The following EHD1 variants were observed in gnomAD, a reference collection of about 807,000 sequenced individuals.
EHD1 encodes EH domain-containing protein 1.
In EHD1, 19 loss-of-function variants were observed where a neutral mutation model predicts 39.0. That is an observed-to-expected ratio of 0.49 (90% CI 0.34 to 0.72). The LOEUF is 0.72. EHD1 is among the 30% of genes least tolerant of loss of function. The probability of loss-of-function intolerance (pLI) is 0.01; values close to 1 mark genes in which losing one functional copy is unlikely to be tolerated. For synonymous variants in EHD1, 323 were observed against 331.2 expected, an observed-to-expected ratio of 0.98 and a Z score of 0.27; for missense variants, 542 against 751.5, an observed-to-expected ratio of 0.72 and a Z score of 3.26.
intron 4 of EHD1, chr11:64,855,106 T>C: frequency 1.1e-6 from 1 of 884,208 alleles, no homozygotes; most frequent in Non-Finnish European, 1.7e-6. Flanking sequence ...GGCCCTGCCC[T>C]CCCCCCACCA....
chr11:64,867,123 C>T (rs1023575815), intron 2 of EHD1, among the ~76,000 whole-genome samples: 4 of 152,064 alleles, frequency 2.6e-5, no homozygotes, highest in Admixed American at 6.6e-5. Context: ...GACCAAAAAA[C>T]GTGGTTAAAA....
At chr11:64,862,115 T>G (rs1943722794) in intron 2 of EHD1, among the ~76,000 whole-genome samples, 2 of 152,186 alleles carry the variant, frequency 1.3e-5, no homozygotes, top group African/African-American at 4.8e-5. Context: ...GGTCTCACTA[T>G]GTTGTCTATG....
intron 3 of EHD1, among the ~76,000 whole-genome samples, chr11:64,858,953 C>T (rs577689461): frequency 1.3e-4 from 20 of 152,330 alleles, no homozygotes. Context: ...CTTCCATGCA[C>T]AGTGCTCCCC....
In EHD1 at chr11:64,854,632, C is replaced by T. The variant is rs1180429847; in HGVS notation, c.1306G>A (p.Asp436Asn). ...TCCTTGCCCACCACCCACTCCACGT[C>T]GTCGATGCCCTCGCCGGCCCCCTCG... ...YGEGAGEGID[D>N]VEWVVGKDKP... is the part of the protein sequence containing the mutation. The change falls in exon 5 of 5, where the codon GAC becomes AAC. Residue 436 changes from aspartate to asparagine, a missense_variant. Physicochemically the swap from Asp to Asn is conservative, Grantham distance 23. Transcript: ENST00000320631. 17 of 1,613,878 alleles carry T rather than the reference C, an allele frequency of 1.1e-5. No individual in the cohort carries two copies. Among genetic ancestry groups the T allele is most frequent in the South Asian group, 2.2e-5 (2 of 91,088 alleles).
At chr11:64,864,241 G>A (rs553667722) in intron 2 of EHD1, among the ~76,000 whole-genome samples, 57 of 152,362 alleles carry the variant, frequency 3.7e-4, no homozygotes, top group African/African-American at 6.0e-4. Flanking sequence ...GGGGAGGCCC[G>A]ATCAGCCTTC....
At chr11:64,859,759 G>C in intron 3 of EHD1, 165 bp downstream of exon 3, 1 of 982,072 alleles carries the variant, frequency 1.0e-6, no homozygotes, top group South Asian at 1.8e-5. Context: ...GCTGCACGCG[G>C]GTGCTGACCA....
Position 64,878,343 on chromosome 11 carries a change from C to A in EHD1, c.122G>T (p.Arg41Leu), listed in dbSNP as rs781223385. 1.2e-6 allele frequency: 2 copies of A among 1,614,086 alleles called. No individual in the cohort carries two copies. Among genetic ancestry groups the A allele is most frequent in the South Asian group, 1.1e-5 (1 of 91,088 alleles). ...QKLLPLEEHY[R>L]FHEFHSPALE... Reference sequence around the variant, plus strand: ...CGCGGGCGAGTGGAACTCGTGGAAGCGGTAGTGCTCCTCCAGGGGTAGCAG... The same window carrying A: ...CGCGGGCGAGTGGAACTCGTGGAAGAGGTAGTGCTCCTCCAGGGGTAGCAG... The change falls in exon 1 of 5, where the codon CGC (arginine) becomes CTC (leucine). Residue 41 changes from arginine to leucine, a missense_variant. Transcript: ENST00000320631.
chr11:64,867,655 T>C (rs1472611788), intron 2 of EHD1, among the ~76,000 whole-genome samples: 1 of 151,976 alleles, frequency 6.6e-6, no homozygotes, highest in Non-Finnish European at 1.5e-5. Flanking sequence ...GAGGCGGAGG[T>C]TGCAGTGGGC....
At chr11:64,867,897 C>CA (rs1943785334) in intron 2 of EHD1, among the ~76,000 whole-genome samples, 1 of 152,252 alleles carries the variant, frequency 6.6e-6, no homozygotes, top group South Asian at 2.1e-4. Flanking sequence ...AGCGTGCACG[C>CA]AGGTGCCTCT....
At chr11:64,873,357 C>T (rs886488200) in intron 2 of EHD1, among the ~76,000 whole-genome samples, 2 of 152,204 alleles carry the variant, frequency 1.3e-5, no homozygotes, top group African/African-American at 2.4e-5. Flanking sequence ...TCCTGCTGGA[C>T]GTGTGAGGAA....
rs375905664 is a variant in EHD1 at position 64,859,908 on chromosome 11, T to A, written c.915+16A>T. 2.5e-6 allele frequency: 4 copies of A among 1,599,398 alleles called. No individual in the cohort carries two copies. The African/African-American group carries it at 5.4e-5, about 21-fold the overall frequency. On this transcript the variant is annotated intron_variant, in intron 3 of 4. Transcript: ENST00000320631. ...CCTGCCTGGCAATAGGCTGCTCCCC[T>A]CACCCCAGGGTCTACCTTGGCCAGC...
Position 64,854,220 on chromosome 11 carries a change from C to G in EHD1, c.*113G>C, listed in dbSNP as rs569201757. On this transcript the variant is annotated 3_prime_UTR_variant, in exon 5 of 5. Coordinates refer to ENST00000320631, the MANE Select transcript of EHD1 (RefSeq NM_006795.4). ...GATGGTGGTTTTCCTTTTCGAGAGG[C>G]GAGGAAACATCCGCTCAGTCTTTAT... is the stretch of plus-strand genomic sequence containing the variant. 1 of 1,432,828 alleles carries G rather than the reference C, an allele frequency of 7.0e-7. No homozygotes were observed. Among genetic ancestry groups the G allele is most frequent in the African/African-American group, 1.4e-5 (1 of 69,656 alleles). 88.8% of individuals were successfully genotyped at this position (1,432,828 alleles called of 1,614,324 possible).
intron 2 of EHD1, among the ~76,000 whole-genome samples, chr11:64,869,822 TGG>T (rs57397704): frequency 2.0e-5 from 3 of 152,168 alleles, no homozygotes; most frequent in Non-Finnish European, 4.4e-5. Flanking sequence ...AACCTCAGCC[TGG>T]GGGTGCTGCT....
rs552868721 is a variant in EHD1, at chr11:64,851,929, C to T, written c.*2404G>A. The stretch of plus-strand genomic sequence containing the variant: ...CCACCTGGCACAGGGTGAATGCCCA[C>T]AGGTGGCAGCTGAGTGACGCAGGGA... On this transcript the variant is annotated 3_prime_UTR_variant, in exon 5 of 5. Coordinates refer to ENST00000320631, the MANE Select transcript of EHD1 (RefSeq NM_006795.4). 1 of 152,338 alleles carries T rather than the reference C, an allele frequency of 6.6e-6. No homozygotes were observed. The highest frequency in any genetic ancestry group is 1.5e-5 in the Non-Finnish European group (1 of 68,042). 9.4% of individuals were successfully genotyped at this position (152,338 alleles called of 1,614,324 possible). A position where few individuals can be genotyped will look rare whatever the true frequency, so the allele number is the denominator to read the frequency against.
chr11:64,859,649 T>C (rs1592746276), intron 3 of EHD1: 2 of 454,136 alleles, frequency 4.4e-6, no homozygotes, highest in East Asian at 7.2e-5. Flanking sequence ...GTTTCTGTGT[T>C]GTAAGCACAG....
intron 2 of EHD1, among the ~76,000 whole-genome samples, chr11:64,866,592 T>C (rs942091705): frequency 8.6e-5 from 13 of 151,960 alleles, no homozygotes; most frequent in Admixed American, 5.9e-4. Flanking sequence ...GGTAAGAGGA[T>C]TGTTTGGGCC....
intron 2 of EHD1, among the ~76,000 whole-genome samples, chr11:64,864,164 C>G (rs1248719181): frequency 6.6e-6 from 1 of 152,218 alleles, no homozygotes; most frequent in African/African-American, 2.4e-5. Flanking sequence ...AGAAGCAGCC[C>G]CGAGGGCCAA....
rs1222579139 is a variant in EHD1 at position 64,878,561 on chromosome 11, C to A, written c.-97G>T. On this transcript the variant is annotated 5_prime_UTR_variant, in exon 1 of 5. Transcript: ENST00000320631. Reference sequence around the variant, plus strand: ...GGCGGGGCCGGCCGGGGCAGGGAATCGGGAGCGACCCACACTGCGCAGGCG... The same window carrying A: ...GGCGGGGCCGGCCGGGGCAGGGAATAGGGAGCGACCCACACTGCGCAGGCG... 2 of 1,464,310 alleles carry A rather than the reference C, an allele frequency of 1.4e-6. No individual in the cohort carries two copies. Among genetic ancestry groups the A allele is most frequent in the Non-Finnish European group, 1.8e-6 (2 of 1,112,138 alleles). 90.7% of individuals were successfully genotyped at this position (1,464,310 alleles called of 1,614,324 possible).
chr11:64,877,231 C>T (rs1297381174), intron 1 of EHD1, among the ~76,000 whole-genome samples: 1 of 152,042 alleles, frequency 6.6e-6, no homozygotes, highest in Non-Finnish European at 1.5e-5. Flanking sequence ...CCTTGAGGGG[C>T]GGGAGCACTG....
Sources: allele counts gnomAD v4.1 joint callset (sites outside exome capture counted in the v4.1 genomes callset), GRCh38; gene constraint gnomAD v4.1.1; transcripts MANE v1.5; gene names NCBI Gene and HGNC (gene_info 2026-07-23, HGNC 2026-07-21).